The following TXNDC16 variants were observed in gnomAD, a reference collection of about 807,000 sequenced individuals.
TXNDC16 encodes the protein thioredoxin domain-containing protein 16.
Under a neutral mutation model 85.6 loss-of-function variants are expected in TXNDC16, and 74 were observed. The observed-to-expected ratio is 0.86, with a 90% CI of 0.72 to 1.05. TXNDC16 has a LOEUF of 1.05. TXNDC16 is among the 50% of genes least tolerant of loss of function. The pLI is 0.00. For synonymous variants in TXNDC16, 335 were observed against 326.5 expected (o/e 1.03, Z -0.28); for missense variants, 959 against 947.0 (o/e 1.01, Z -0.17).
At chr14:52,539,302 T>C (rs1416659308) in intron 4 of TXNDC16, among the ~76,000 whole-genome samples, 1 of 152,276 alleles carries the variant, frequency 6.6e-6, no homozygotes, top group African/African-American at 2.4e-5. Flanking sequence ...CATAAAAGTA[T>C]ACAAATAAGT....
At chr14:52,466,239 A>G (rs1179759951) in intron 16 of TXNDC16, among the ~76,000 whole-genome samples, 1 of 151,748 alleles carries the variant, frequency 6.6e-6, no homozygotes, top group East Asian at 1.9e-4. Flanking sequence ...CTAAAAATAC[A>G]AAAAGTAGCC....
intron 14 of TXNDC16, 125 bp from the exon 15 acceptor site, chr14:52,470,805 C>T: frequency 2.5e-6 from 2 of 787,268 alleles, no homozygotes; most frequent in Non-Finnish European, 3.9e-6. Context: ...CCTGCTTAAA[C>T]ACTCTCTTCC....
At chr14:52,454,690 C>T (rs1388590466) in intron 18 of TXNDC16, among the ~76,000 whole-genome samples, 1 of 148,356 alleles carries the variant, frequency 6.7e-6, no homozygotes, top group Non-Finnish European at 1.5e-5. Flanking sequence ...GTAGTGAGCG[C>T]CTGTAATCCC....
At chr14:52,455,655 C>T (rs574567868) in intron 17 of TXNDC16, among the ~76,000 whole-genome samples, 193 bp from the exon 18 acceptor site, 1 of 152,080 alleles carries the variant, frequency 6.6e-6, no homozygotes, top group Admixed American at 6.6e-5. Context: ...AGGTAATGAT[C>T]TATAACAAAC....
At chr14:52,477,832 C>T (rs2036053273) in intron 14 of TXNDC16, among the ~76,000 whole-genome samples, 1 of 152,124 alleles carries the variant, frequency 6.6e-6, no homozygotes, top group Non-Finnish European at 1.5e-5. Flanking sequence ...ATGGACTTAA[C>T]AGGTATTTAC....
At chr14:52,537,791 T>C (rs1469489343) in intron 4 of TXNDC16, 119 bp from the exon 5 acceptor site, 9 of 621,400 alleles carry the variant, frequency 1.4e-5, no homozygotes, top group South Asian at 1.1e-4. Flanking sequence ...TTGTATTTTA[T>C]GTTTTTTTCT....
rs745992121 is a variant in TXNDC16 at position 52,542,415 on chromosome 14, C to T, written c.199G>A (p.Glu67Lys). The T allele has an allele frequency of 1.5e-5, 24 of 1,612,754 alleles. No individual in the cohort carries two copies. The highest frequency in any genetic ancestry group is 2.0e-5 in the Non-Finnish European group (23 of 1,179,396). ...RTSVFLEELN[E>K]AVRPLQDYGI... ...TAGTCCTGCAGAGGTCTAACAGCCT[C>T]ATTCAGTTCTTCAAGAAATACAGAT... Residue 67 changes from glutamate (E) to lysine (K), a missense_variant, in exon 4 of 21, where the codon GAG becomes AAG. By Grantham distance (56) the Glu-to-Lys change is moderately conservative. Transcript: ENST00000281741.
At chr14:52,464,769 TA>T (rs1441431699) in intron 16 of TXNDC16, among the ~76,000 whole-genome samples, 3 of 151,976 alleles carry the variant, frequency 2.0e-5, no homozygotes, top group Non-Finnish European at 4.4e-5. Flanking sequence ...CTGTCTCTAC[TA>T]AAAAGACAAA....
At chr14:52,495,001 C>T (rs961219994) in intron 9 of TXNDC16, among the ~76,000 whole-genome samples, 2 of 152,096 alleles carry the variant, frequency 1.3e-5, no homozygotes, top group African/African-American at 4.8e-5. Flanking sequence ...AAACATGTGA[C>T]CTGAAAATTC....
intron 18 of TXNDC16, among the ~76,000 whole-genome samples, chr14:52,452,873 A>G (rs933676422): frequency 2.6e-5 from 4 of 152,178 alleles, no homozygotes; most frequent in African/African-American, 9.7e-5. Context: ...AGCAAAGGAC[A>G]CAATCAACAA....
At chr14:52,474,853 C>T (rs944942667) in intron 14 of TXNDC16, among the ~76,000 whole-genome samples, 1 of 152,094 alleles carries the variant, frequency 6.6e-6, no homozygotes, top group African/African-American at 2.4e-5. Flanking sequence ...GACAGAACAG[C>T]GTGTGGAGGC....
chr14:52,443,060 T>C (rs887561182), intron 18 of TXNDC16, among the ~76,000 whole-genome samples: 14 of 152,204 alleles, frequency 9.2e-5, no homozygotes, highest in African/African-American at 2.9e-4. Context: ...ATGTAAAGTA[T>C]TGATCCTGGA....
At chr14:52,545,023 A>T (rs1477424385) in intron 1 of TXNDC16, among the ~76,000 whole-genome samples, 1 of 152,140 alleles carries the variant, frequency 6.6e-6, no homozygotes, top group Non-Finnish European at 1.5e-5. Context: ...TATTCTGGAG[A>T]AAATGCATGC....
intron 6 of TXNDC16, among the ~76,000 whole-genome samples, chr14:52,527,066 C>T (rs186920759): frequency 3.9e-4 from 59 of 152,322 alleles, no homozygotes; most frequent in Admixed American, 3.6e-3. Flanking sequence ...GTATCCTTTG[C>T]GATACTCTTT....
intron 1 of TXNDC16, among the ~76,000 whole-genome samples, chr14:52,550,115 T>A (rs1438465730): frequency 6.6e-6 from 1 of 152,298 alleles, no homozygotes; most frequent in Non-Finnish European, 1.5e-5. Flanking sequence ...TATTCCCTTA[T>A]GATTAACCAT....
intron 18 of TXNDC16, among the ~76,000 whole-genome samples, chr14:52,450,729 T>C (rs2035387547): frequency 6.6e-6 from 1 of 152,002 alleles, no homozygotes; most frequent in Non-Finnish European, 1.5e-5. Flanking sequence ...AAAGTGTATC[T>C]ACCATTTGAT....
At chr14:52,459,031 CA>C (rs2035596085) in intron 16 of TXNDC16, among the ~76,000 whole-genome samples, 1 of 151,898 alleles carries the variant, frequency 6.6e-6, no homozygotes. Flanking sequence ...GTATATATGC[CA>C]AAATATATGG....
chr14:52,491,125 C>A, intron 9 of TXNDC16, 120 bp from the exon 10 acceptor site: 1 of 1,104,674 alleles, frequency 9.1e-7, no homozygotes, highest in Non-Finnish European at 1.2e-6. Flanking sequence ...TAATCCAACA[C>A]TAACAGAAAC....
chr14:52,474,446 A>T (rs1207972571), intron 14 of TXNDC16, among the ~76,000 whole-genome samples: 1 of 148,156 alleles, frequency 6.7e-6, no homozygotes, highest in East Asian at 1.9e-4. Flanking sequence ...TCTGCTTTTT[A>T]AAAAAATGAT....
Sources: allele counts gnomAD v4.1 joint callset (sites outside exome capture counted in the v4.1 genomes callset), GRCh38; gene constraint gnomAD v4.1.1; transcripts MANE v1.5; gene names NCBI Gene and HGNC (gene_info 2026-07-23, HGNC 2026-07-21).